Variants in BMP7 observed in about 807,000 individuals in gnomAD.
BMP7 encodes bone morphogenetic protein 7, also known as osteogenic protein 1.
A neutral mutation model predicts 41.2 loss-of-function variants in BMP7; 12 were observed. The observed-to-expected ratio is 0.29, with a 90% CI of 0.19 to 0.47. The LOEUF is 0.47. BMP7 is among the 20% of genes least tolerant of loss of function. The pLI is 0.99. For missense variants in BMP7, 467 were observed against 606.0 expected, an observed-to-expected ratio of 0.77 and a Z score of 2.41; for synonymous variants, 248 against 250.0, an observed-to-expected ratio of 0.99 and a Z score of 0.07.
chr20:57,220,500 G>A (rs1985164221), intron 2 of BMP7, among the ~76,000 whole-genome samples: 1 of 152,180 alleles, frequency 6.6e-6, no homozygotes, highest in Admixed American at 6.5e-5. Flanking sequence ...GCTTCTATAG[G>A]CGAGCAGAGG....
chr20:57,173,787 G>T (rs1031195626), intron 5 of BMP7, among the ~76,000 whole-genome samples: 2 of 152,116 alleles, frequency 1.3e-5, no homozygotes, highest in Non-Finnish European at 2.9e-5. Flanking sequence ...CCACTAGGTG[G>T]TCACACACTG....
chr20:57,172,312 G>A (rs1983831459), intron 6 of BMP7, among the ~76,000 whole-genome samples: 1 of 152,114 alleles, frequency 6.6e-6, no homozygotes, highest in Non-Finnish European at 1.5e-5. Context: ...GGGAGCAAGG[G>A]CTTTGGAAAA....
intron 1 of BMP7, among the ~76,000 whole-genome samples, chr20:57,254,669 A>G (rs1476693828): frequency 6.6e-6 from 1 of 151,922 alleles, no homozygotes; most frequent in Non-Finnish European, 1.5e-5. Flanking sequence ...AACAAAAAAC[A>G]AAAACAAAAA....
In BMP7 at chr20:57,171,166, C is replaced by A. The variant is rs545357375; in HGVS notation, c.1147-58G>T. Reference sequence around the variant, plus strand: ...AGAAGCGGTGAGTCGTTCTAACTGGCCTCCACGTTTCTATAAAGAAACATC... The same window carrying A: ...AGAAGCGGTGAGTCGTTCTAACTGGACTCCACGTTTCTATAAAGAAACATC... On this transcript the variant is annotated intron_variant, in intron 6 of 6. Transcript: ENST00000395863. The surrounding 1 kb of genome is among the most constrained non-coding windows in gnomAD (Gnocchi z 4.5). 1.9e-6 allele frequency: 3 copies of A among 1,609,566 alleles called. No homozygotes were observed. Among genetic ancestry groups the A allele is most frequent in the South Asian group, 1.1e-5 (1 of 90,670 alleles).
In BMP7 at chr20:57,202,072, C is replaced by T. The variant is rs112384762; in HGVS notation, c.760+403G>A. ...CATCTAGTGAGTAAGAGACCGGGGACGCTGCTAAACACCCTGCCGTGCACG... is the reference window on the plus strand; with the variant it reads ...CATCTAGTGAGTAAGAGACCGGGGATGCTGCTAAACACCCTGCCGTGCACG... On this transcript the variant is annotated intron_variant, in intron 3 of 6. Transcript: ENST00000395863. Among the ~76,000 whole-genome samples, 782 of 152,280 alleles carry T rather than the reference C, an allele frequency of 5.1e-3. 5 individuals carry two copies. The highest frequency in any genetic ancestry group is 0.017 in the African/African-American group (723 of 41,566).
intron 1 of BMP7, among the ~76,000 whole-genome samples, chr20:57,238,523 C>G (rs544100674): frequency 2.0e-5 from 3 of 152,240 alleles, no homozygotes; most frequent in African/African-American, 7.2e-5. Context: ...TTTGAGGAAG[C>G]ACCATTCTGT....
intron 6 of BMP7, among the ~76,000 whole-genome samples, chr20:57,172,336 A>G (rs1457463492): frequency 6.6e-6 from 1 of 152,230 alleles, no homozygotes; most frequent in Non-Finnish European, 1.5e-5. Flanking sequence ...ACACTTAAAA[A>G]AACAAACAAA....
rs867354171 is a variant in BMP7, at chr20:57,265,914, G to C, written c.209C>G (p.Pro70Arg). The change falls in exon 1 of 7, where the codon CCG becomes CGG. Residue 70 changes from proline to arginine, a missense_variant. Physicochemically the swap from Pro to Arg is moderately radical, Grantham distance 103 (BLOSUM62 -2). This residue lies in a region of BMP7 where 407 missense variants were observed against 485.9 expected (regional missense o/e 0.84). Transcript: ENST00000395863. ...SILGLPHRPR[P>R]HLQGKHNSAP... ...CGAGTTGTGCTTGCCCTGGAGGTGC[G>C]GGCGCGGGCGGTGGGGCAAGCCCAA... The C allele has an allele frequency of 6.4e-7, 1 of 1,573,114 alleles. No homozygotes were observed. Among genetic ancestry groups the C allele is most frequent in the Admixed American group, 1.9e-5 (1 of 53,780 alleles).
intron 4 of BMP7, 101 bp downstream of exon 4, chr20:57,183,621 G>T: frequency 1.4e-6 from 2 of 1,480,642 alleles, no homozygotes; most frequent in Non-Finnish European, 1.9e-6. Context: ...GAGCCATCTG[G>T]TGAGCACCTG....
intron 3 of BMP7, among the ~76,000 whole-genome samples, 163 bp downstream of exon 3, chr20:57,202,312 G>A (rs1984639048): frequency 6.6e-6 from 1 of 152,150 alleles, no homozygotes; most frequent in Admixed American, 6.5e-5. Flanking sequence ...GAAAAGAGGG[G>A]AAGGGGCTGC....
chr20:57,203,563 G>A (rs528546977), intron 2 of BMP7, among the ~76,000 whole-genome samples: 5 of 152,290 alleles, frequency 3.3e-5, no homozygotes, highest in Admixed American at 3.3e-4. Flanking sequence ...ATGGATGGAT[G>A]AATGGGTAGA....
Position 57,213,524 on chromosome 20 carries a change from T to C in BMP7, c.612-10901A>G, listed in dbSNP as rs940172462. Among the ~76,000 whole-genome samples the C allele has an allele frequency of 2.6e-5, 4 of 152,174 alleles. No individual in the cohort carries two copies. The highest frequency in any genetic ancestry group is 2.6e-4 in the Admixed American group (4 of 15,278). ...AGTCCTGCTGCAAAGAAATGTCTGC[T>C]CCGGCAATGGAGCGCAGTAACGAGC... On this transcript the variant is annotated intron_variant, in intron 2 of 6. Coordinates refer to ENST00000395863, the MANE Select transcript of BMP7 (RefSeq NM_001719.3). The surrounding 1 kb of genome is among the most constrained non-coding windows in gnomAD (Gnocchi z 4.4).
intron 1 of BMP7, among the ~76,000 whole-genome samples, chr20:57,239,626 C>T (rs551469375): frequency 7.2e-5 from 11 of 152,350 alleles, no homozygotes; most frequent in South Asian, 2.1e-4. Context: ...ACTGCCCTAG[C>T]GGAGGTTCTC....
At chr20:57,179,525 C>T (rs1984023475) in intron 4 of BMP7, among the ~76,000 whole-genome samples, 1 of 152,262 alleles carries the variant, frequency 6.6e-6, no homozygotes, top group South Asian at 2.1e-4. Context: ...GCACGTGAAG[C>T]CCCGGGGGAG....
intron 1 of BMP7, among the ~76,000 whole-genome samples, chr20:57,253,312 GA>G (rs1364932560): frequency 7.9e-5 from 12 of 152,192 alleles, no homozygotes. Context: ...GTCAAAAACT[GA>G]AACTTGAGAA....
At position 57,171,071 on chromosome 20, in the gene BMP7, C is replaced by T; in HGVS notation, c.1184G>A (p.Cys395Tyr). Residue 395 changes from cysteine to tyrosine, a missense_variant, in exon 7 of 7, where the codon TGC becomes TAC. By Grantham distance (194) the Cys-to-Tyr change is radical. Transcript: ENST00000395863. The surrounding 1 kb of genome is among the most constrained non-coding windows in gnomAD (Gnocchi z 4.5). The part of the protein sequence containing the change: ...FINPETVPKP[C>Y]CAPTQLNAIS... ...GGCATTGAGCTGCGTGGGCGCACAG[C>T]AGGGCTTGGGCACCGTTTCCGGGTT... The T allele has an allele frequency of 6.2e-7, 1 of 1,614,234 alleles. No individual in the cohort carries two copies. Among genetic ancestry groups the T allele is most frequent in the African/African-American group, 1.3e-5 (1 of 75,060 alleles).
At chr20:57,225,420 C>T (rs148336883) in intron 2 of BMP7, among the ~76,000 whole-genome samples, 121 of 152,248 alleles carry the variant, frequency 7.9e-4, no homozygotes, top group Non-Finnish European at 1.3e-3. Flanking sequence ...ATGATACTAA[C>T]GCAGGTGACC....
intron 2 of BMP7, among the ~76,000 whole-genome samples, chr20:57,222,161 C>T (rs546682677): frequency 8.5e-5 from 13 of 152,308 alleles, no homozygotes; most frequent in African/African-American, 3.1e-4. Context: ...ATGTGGGCAA[C>T]CTGCTGAGCC....
rs552897835 is a variant in BMP7 at position 57,225,827 on chromosome 20, T to C, written c.611+2402A>G. The stretch of plus-strand genomic sequence containing the variant: ...TCTTGCCCTCCACTGCTTCTCACCC[T>C]ATTCCCTTCCTTGCTCAATGCTCCC... On this transcript the variant is annotated intron_variant, in intron 2 of 6. Coordinates refer to ENST00000395863, the MANE Select transcript of BMP7 (RefSeq NM_001719.3). 1.7e-3 allele frequency: 808 copies of C among 470,734 alleles called. 7 individuals carry two copies. The highest frequency in any genetic ancestry group is 0.011 in the Admixed American group (476 of 42,566). The allele number at this position is 470,734 out of a possible 1,614,324, so 29.2% of individuals were successfully genotyped here.
Sources: gnomAD v4.1 joint callset for allele counts (sites outside exome capture counted in the v4.1 genomes callset) on GRCh38, gnomAD v4.1.1 for gene constraint, gnomAD v4.1.1 regional missense constraint, Gnocchi (gnomAD v3.1) non-coding constraint, MANE v1.5 for transcripts, NCBI Gene and HGNC (gene_info 2026-07-23, HGNC 2026-07-21) for gene names.